PDE1C: variants seen among roughly 807,000 people sequenced by gnomAD.
PDE1C encodes the protein phosphodiesterase 1C.
A neutral mutation model predicts 93.1 loss-of-function variants in PDE1C; 62 were observed. That is an observed-to-expected ratio of 0.67 (90% CI 0.54 to 0.82). The LOEUF is 0.82. Among genes scored for constraint, PDE1C ranks in the 40% least tolerant of loss-of-function variants. The probability of loss-of-function intolerance (pLI) is 0.00; values close to 1 mark genes in which losing one functional copy is unlikely to be tolerated. For missense variants in PDE1C, 742 were observed against 884.6 expected, an observed-to-expected ratio of 0.84 and a Z score of 2.04; for synonymous variants, 325 against 310.1, an observed-to-expected ratio of 1.05 and a Z score of -0.50.
At chr7:31,877,809 C>G (rs1796778348) in intron 5 of PDE1C, among the ~76,000 whole-genome samples, 161 bp downstream of exon 5, 1 of 151,288 alleles carries the variant, frequency 6.6e-6, no homozygotes, top group South Asian at 2.1e-4. Flanking sequence ...GGTGAAAAGA[C>G]AGTGATACTG....
At chr7:31,630,743 G>A in the PDE1C span, among the ~76,000 whole-genome samples, 4,400 of 151,940 alleles carry the variant, frequency 0.029, 223 homozygotes, top group African/African-American at 0.1. Flanking sequence ...GACTCAAAAG[G>A]TCATTAAGAA....
chr7:32,184,531 C>G lies in PDE1C; in HGVS notation c.137-14575G>C, dbSNP rs144617464. Among the ~76,000 whole-genome samples, 188 of 152,284 alleles carry G rather than the reference C, an allele frequency of 1.2e-3. 1 individual carries two copies. In the East Asian group the frequency reaches 0.035, roughly 29 times the overall value. ...TGATGAAGCTGGAAACCATCATTCTCAGCAAACTATTGCAAGGACAAAAAA... is the reference window on the plus strand; with the variant it reads ...TGATGAAGCTGGAAACCATCATTCTGAGCAAACTATTGCAAGGACAAAAAA... On this transcript the variant is annotated intron_variant, in intron 2 of 18. Transcript: ENST00000396193.
At chr7:32,385,354 T>C (rs569446320) in intron 1 of PDE1C, among the ~76,000 whole-genome samples, 5 of 152,328 alleles carry the variant, frequency 3.3e-5, no homozygotes, top group Non-Finnish European at 7.3e-5. Context: ...TTTTTCCTTC[T>C]CCATTATGCC....
In PDE1C at chr7:32,207,215, G is replaced by C. The variant is rs73304664; in HGVS notation, c.136+2274C>G. 4.4e-3 allele frequency among the ~76,000 whole-genome samples: 663 copies of C among 152,182 alleles called. 4 individuals carry two copies. Among genetic ancestry groups the C allele is most frequent in the African/African-American group, 0.015 (627 of 41,528 alleles). ...TCTCTGCTGACCTCTAGAGGGTCCA[G>C]CCATCACAGCACAGGCTCTGGCCAC... On this transcript the variant is annotated intron_variant, in intron 2 of 18. Transcript: ENST00000396193.
At chr7:32,108,657 C>T (rs201480688) in intron 3 of PDE1C, among the ~76,000 whole-genome samples, 7 of 152,256 alleles carry the variant, frequency 4.6e-5, no homozygotes, top group East Asian at 3.9e-4. Flanking sequence ...ACACAAAACC[C>T]GTATGAAATT....
chr7:32,104,506 A>AGAGGATGTG (rs1350437814), intron 3 of PDE1C, among the ~76,000 whole-genome samples: 1 of 152,222 alleles, frequency 6.6e-6, no homozygotes, highest in Non-Finnish European at 1.5e-5. Flanking sequence ...AGGAAGCAAT[A>AGAGGATGTG]GAGGATGTGC....
chr7:31,774,642 T>C (rs980549331), intron 17 of PDE1C, among the ~76,000 whole-genome samples: 3 of 152,198 alleles, frequency 2.0e-5, no homozygotes, highest in African/African-American at 7.2e-5. Flanking sequence ...GACATATAAA[T>C]AAACTGTGGC....
intron 2 of PDE1C, among the ~76,000 whole-genome samples, chr7:31,974,408 C>A (rs1284434379): frequency 2.0e-5 from 3 of 152,166 alleles, no homozygotes; most frequent in Non-Finnish European, 4.4e-5. Context: ...ACTGGCAGGT[C>A]AATATTATCT....
At chr7:31,616,831 A>G in the PDE1C span, among the ~76,000 whole-genome samples, 1 of 152,086 alleles carries the variant, frequency 6.6e-6, no homozygotes, top group African/African-American at 2.4e-5. Flanking sequence ...TGTGATTCAA[A>G]CAATTATCAG....
chr7:32,263,919 A>G (rs1810397796), intron 1 of PDE1C, among the ~76,000 whole-genome samples: 1 of 152,168 alleles, frequency 6.6e-6, no homozygotes, highest in Non-Finnish European at 1.5e-5. Context: ...CTCATAAGTA[A>G]TTCTCATTTT....
intron 11 of PDE1C, among the ~76,000 whole-genome samples, chr7:31,835,214 T>C (rs1445267887): frequency 1.3e-5 from 2 of 152,156 alleles, no homozygotes; most frequent in Non-Finnish European, 2.9e-5. Context: ...ATTTGCAGCA[T>C]GAGAACAGAC....
chr7:32,335,703 T>A (rs887636697), intron 1 of PDE1C, among the ~76,000 whole-genome samples: 5 of 138,338 alleles, frequency 3.6e-5, no homozygotes, highest in Non-Finnish European at 7.8e-5. Context: ...ATTACCTCTG[T>A]TTTTGTTTTT....
At chr7:32,343,008 T>A (rs1484669804) in intron 1 of PDE1C, among the ~76,000 whole-genome samples, 1 of 152,170 alleles carries the variant, frequency 6.6e-6, no homozygotes, top group Non-Finnish European at 1.5e-5. Flanking sequence ...GGTACAGGCA[T>A]TTCTCCTGAA....
intron 15 of PDE1C, among the ~76,000 whole-genome samples, chr7:31,813,443 T>C (rs1046476485): frequency 6.6e-6 from 1 of 152,126 alleles, no homozygotes; most frequent in Admixed American, 6.6e-5. Context: ...GAAGCCCATG[T>C]ATTCAGCAGA....
intron 7 of PDE1C, among the ~76,000 whole-genome samples, chr7:31,857,085 T>C (rs374981266): frequency 2.6e-5 from 4 of 152,120 alleles, no homozygotes; most frequent in South Asian, 4.1e-4. Flanking sequence ...TAATACCTCT[T>C]CAAAGGCCAT....
intron 2 of PDE1C, among the ~76,000 whole-genome samples, chr7:32,187,958 C>A (rs1463255832): frequency 6.6e-6 from 1 of 152,166 alleles, no homozygotes; most frequent in Non-Finnish European, 1.5e-5. Context: ...TATTTTGATT[C>A]CTGTTTCAAT....
intron 2 of PDE1C, among the ~76,000 whole-genome samples, chr7:32,195,701 AAATAAT>A (rs546304929): frequency 6.6e-6 from 1 of 152,070 alleles, no homozygotes. Flanking sequence ...TTTAAAAATA[AAATAAT>A]AATAATAATA....
At chr7:31,666,518 G>A in the PDE1C span, among the ~76,000 whole-genome samples, 1 of 152,174 alleles carries the variant, frequency 6.6e-6, no homozygotes, top group Non-Finnish European at 1.5e-5. Flanking sequence ...TAATTTGTAT[G>A]AATAGGTTTG....
At chr7:32,124,312 C>T (rs1173107658) in intron 3 of PDE1C, among the ~76,000 whole-genome samples, 1 of 152,142 alleles carries the variant, frequency 6.6e-6, no homozygotes, top group Non-Finnish European at 1.5e-5. Context: ...TTATTCCCAT[C>T]AAACTACCAC....
Sources: gnomAD v4.1 joint callset for allele counts (sites outside exome capture counted in the v4.1 genomes callset) on GRCh38, gnomAD v4.1.1 for gene constraint, MANE v1.5 for transcripts, NCBI Gene and HGNC (gene_info 2026-07-23, HGNC 2026-07-21) for gene names.